HS6ST3: variants seen among roughly 807,000 people sequenced by gnomAD.
HS6ST3 encodes the protein heparan sulfate 6-O-sulfotransferase 3.
A neutral mutation model predicts 36.7 loss-of-function variants in HS6ST3; 12 were observed. The observed-to-expected ratio is 0.33, with a 90% CI of 0.21 to 0.53. HS6ST3 has a LOEUF of 0.53. HS6ST3 is among the 20% of genes least tolerant of loss of function. The pLI is 0.95. For synonymous variants in HS6ST3, 240 were observed against 257.5 expected (o/e 0.93, Z 0.65); for missense variants, 584 against 640.9 (o/e 0.91, Z 0.96).
At chr13:96,328,385 C>T (rs1404417616) in intron 1 of HS6ST3, among the ~76,000 whole-genome samples, 3 of 151,778 alleles carry the variant, frequency 2.0e-5, no homozygotes, top group Non-Finnish European at 4.4e-5. Context: ...GAGTTTTTAG[C>T]ATGAAGGGTT....
chr13:96,200,862 T>C (rs1221990753), intron 1 of HS6ST3, among the ~76,000 whole-genome samples: 2 of 152,198 alleles, frequency 1.3e-5, no homozygotes, highest in Non-Finnish European at 2.9e-5. Context: ...CTCTGGACTG[T>C]AACCCTCCTT....
intron 1 of HS6ST3, among the ~76,000 whole-genome samples, chr13:96,608,007 G>T (rs1447045692): frequency 6.6e-6 from 1 of 152,178 alleles, no homozygotes; most frequent in East Asian, 1.9e-4. Context: ...TTCAGAGACT[G>T]TTAGATCCAT....
chr13:96,301,542 C>T (rs1023120784), intron 1 of HS6ST3, among the ~76,000 whole-genome samples: 1 of 152,148 alleles, frequency 6.6e-6, no homozygotes, highest in Non-Finnish European at 1.5e-5. Flanking sequence ...CTTAACTTCT[C>T]TGAGCCTCTG....
At chr13:96,753,363 C>G (rs1197001449) in intron 1 of HS6ST3, among the ~76,000 whole-genome samples, 1 of 152,140 alleles carries the variant, frequency 6.6e-6, no homozygotes, top group African/African-American at 2.4e-5. Flanking sequence ...TGGTACATCT[C>G]TTCACATAGT....
chr13:96,301,002 A>G (rs1231632090), intron 1 of HS6ST3, among the ~76,000 whole-genome samples: 1 of 152,170 alleles, frequency 6.6e-6, no homozygotes, highest in East Asian at 1.9e-4. Context: ...GTCTGTGATT[A>G]GCTTTCTCTT....
intron 1 of HS6ST3, among the ~76,000 whole-genome samples, chr13:96,519,310 C>T (rs924393260): frequency 6.6e-6 from 1 of 152,154 alleles, no homozygotes; most frequent in South Asian, 2.1e-4. Flanking sequence ...TAGTCTGTCT[C>T]CTAGAGAAGA....
chr13:96,459,078 T>C (rs559006893), intron 1 of HS6ST3, among the ~76,000 whole-genome samples: 72 of 109,962 alleles, frequency 6.5e-4, no homozygotes, highest in African/African-American at 2.6e-3. Context: ...CTCTCCAGCC[T>C]GGGCGACAGA....
intron 1 of HS6ST3, among the ~76,000 whole-genome samples, chr13:96,486,011 C>T (rs1239475062): frequency 8.5e-6 from 1 of 118,040 alleles, no homozygotes; most frequent in East Asian, 3.1e-4. Flanking sequence ...CTATCCCTCC[C>T]CCCTCCCCCC....
chr13:96,611,101 T>TTTTTTA (rs2056455855), intron 1 of HS6ST3, among the ~76,000 whole-genome samples: 2 of 149,984 alleles, frequency 1.3e-5, no homozygotes, highest in Non-Finnish European at 3.0e-5. Flanking sequence ...TTTATTTTCT[T>TTTTTTA]TTTTTATTTT....
At chr13:96,822,208 G>A (rs143206852) in intron 1 of HS6ST3, among the ~76,000 whole-genome samples, 203 of 152,276 alleles carry the variant, frequency 1.3e-3, no homozygotes, top group South Asian at 5.2e-3. Context: ...ACTCCAAGGC[G>A]GCTCCAGGCT....
rs549188855 is a variant in HS6ST3, at chr13:96,350,525, G to A, written c.707+258956G>A. Among the ~76,000 whole-genome samples, 27 of 152,316 alleles carry A rather than the reference G, an allele frequency of 1.8e-4. No individual in the cohort carries two copies. In the South Asian group the frequency reaches 4.8e-3, roughly 27 times the overall value. ...TATGCAAGATATGTTTCCAGAATTA[G>A]AATCTATAAAATGTGGGGGTCTCTA... On this transcript the variant is annotated intron_variant, in intron 1 of 1. Coordinates refer to ENST00000376705, the MANE Select transcript of HS6ST3 (RefSeq NM_153456.4).
At chr13:96,172,682 G>A (rs1339694821) in intron 1 of HS6ST3, among the ~76,000 whole-genome samples, 1 of 152,104 alleles carries the variant, frequency 6.6e-6, no homozygotes, top group African/African-American at 2.4e-5. Context: ...AAGTGGCTCA[G>A]GTGCATCTTA....
At chr13:96,676,394 G>A (rs2056698983) in intron 1 of HS6ST3, among the ~76,000 whole-genome samples, 1 of 152,112 alleles carries the variant, frequency 6.6e-6, no homozygotes, top group East Asian at 1.9e-4. Flanking sequence ...TATGGGCAGA[G>A]CCACTTGAAC....
chr13:96,238,412 T>A (rs1418615928), intron 1 of HS6ST3, among the ~76,000 whole-genome samples: 2 of 152,194 alleles, frequency 1.3e-5, no homozygotes, highest in Admixed American at 6.5e-5. Flanking sequence ...ATTTCGCCTG[T>A]TAGATTAACT....
chr13:96,316,257 CTGTGTG>C (rs10534465), intron 1 of HS6ST3, among the ~76,000 whole-genome samples: 2,825 of 147,256 alleles, frequency 0.019, 82 homozygotes, highest in African/African-American at 0.064. Context: ...CTACATACAC[CTGTGTG>C]TGTGTGTGTG....
chr13:96,673,432 T>C (rs2056688842), intron 1 of HS6ST3, among the ~76,000 whole-genome samples: 3 of 152,208 alleles, frequency 2.0e-5, no homozygotes. Context: ...GCTGTTAGAA[T>C]CTCTTCTCTT....
intron 1 of HS6ST3, among the ~76,000 whole-genome samples, chr13:96,136,682 CATATATATATATATATATAT>C (rs56247662): frequency 0.011 from 1,423 of 130,518 alleles, 47 homozygotes; most frequent in African/African-American, 0.036. Context: ...TGTTATGAAA[CATATATATATATATATATAT>C]ATATATATAT....
chr13:96,400,397 A>T (rs1429116206), intron 1 of HS6ST3, among the ~76,000 whole-genome samples: 1 of 152,074 alleles, frequency 6.6e-6, no homozygotes, highest in African/African-American at 2.4e-5. Flanking sequence ...GAAGAGTGTC[A>T]CATACCAATT....
intron 1 of HS6ST3, among the ~76,000 whole-genome samples, chr13:96,589,076 CT>C (rs1467966662): frequency 6.8e-6 from 1 of 146,450 alleles, no homozygotes; most frequent in Non-Finnish European, 1.5e-5. Context: ...AAAAAAAAAG[CT>C]TTTCCTTCTC....
Sources: allele counts gnomAD v4.1 joint callset (sites outside exome capture counted in the v4.1 genomes callset), GRCh38; gene constraint gnomAD v4.1.1; transcripts MANE v1.5; gene names NCBI Gene and HGNC (gene_info 2026-07-23, HGNC 2026-07-21).